The following RERE variants were observed in gnomAD, a reference collection of about 807,000 sequenced individuals.
RERE encodes the protein arginine-glutamic acid dipeptide repeats protein.
A neutral mutation model predicts 146.1 loss-of-function variants in RERE; 40 were observed. The observed-to-expected ratio is 0.27, with a 90% CI of 0.21 to 0.36. RERE has a LOEUF of 0.36. Among genes scored for constraint, RERE ranks in the 10% least tolerant of loss-of-function variants. RERE has a pLI of 1.00. For synonymous variants in RERE, 1,003 were observed against 866.0 expected, an observed-to-expected ratio of 1.16 and a Z score of -2.78; for missense variants, 1,933 against 2,138.7, an observed-to-expected ratio of 0.90 and a Z score of 1.90.
chr1:8,381,116 C>A (rs1343145526), intron 12 of RERE: 6 of 399,800 alleles, frequency 1.5e-5, no homozygotes, highest in Non-Finnish European at 2.5e-5. Context: ...TTTACTGACC[C>A]ATAGGAAGCG....
chr1:8,621,359 C>T (rs1245867335), intron 3 of RERE, among the ~76,000 whole-genome samples: 1 of 152,138 alleles, frequency 6.6e-6, no homozygotes, highest in African/African-American at 2.4e-5. Flanking sequence ...TGACCCAAGG[C>T]CCTTGGTTCA....
chr1:8,642,124 G>A (rs1647189006), intron 2 of RERE, among the ~76,000 whole-genome samples: 1 of 152,076 alleles, frequency 6.6e-6, no homozygotes, highest in African/African-American at 2.4e-5. Context: ...TTAGAAACTG[G>A]CCTTGTAACC....
intron 10 of RERE, among the ~76,000 whole-genome samples, chr1:8,469,141 T>C (rs1265871196): frequency 6.6e-6 from 1 of 152,080 alleles, no homozygotes; most frequent in Non-Finnish European, 1.5e-5. Flanking sequence ...TAGCTACATC[T>C]TTTAAAAAGA....
At chr1:8,419,378 T>A (rs1267375555) in intron 12 of RERE, among the ~76,000 whole-genome samples, 1 of 152,184 alleles carries the variant, frequency 6.6e-6, no homozygotes, top group Non-Finnish European at 1.5e-5. Context: ...CCAAAAGAGC[T>A]AGGAAAGCTG....
Position 8,375,891 on chromosome 1 carries a change from C to G in RERE, c.1285-9917G>C, listed in dbSNP as rs575611841. 5.9e-5 allele frequency among the ~76,000 whole-genome samples: 9 copies of G among 152,374 alleles called. No individual in the cohort carries two copies. In the South Asian group the frequency reaches 1.9e-3, roughly 32 times the overall value. On this transcript the variant is annotated intron_variant, in intron 12 of 22. Transcript: ENST00000400908. ...TACTATGAAATCTACAATAACTAAG[C>G]TAAGCCATATCTTTTTATATCTTAA...
chr1:8,560,080 A>G (rs1032138453), intron 4 of RERE, among the ~76,000 whole-genome samples: 2 of 152,248 alleles, frequency 1.3e-5, no homozygotes, highest in African/African-American at 2.4e-5. Flanking sequence ...AAGATTACTC[A>G]TTATAGAAAA....
At chr1:8,607,530 A>ATATATATT (rs1646732034) in intron 4 of RERE, among the ~76,000 whole-genome samples, 4 of 57,582 alleles carry the variant, frequency 6.9e-5, no homozygotes, top group East Asian at 1.9e-3. Flanking sequence ...TTTTATATAT[A>ATATATATT]TTTCTTTTTT....
chr1:8,770,964 T>C (rs761902322), intron 1 of RERE, among the ~76,000 whole-genome samples: 3 of 152,130 alleles, frequency 2.0e-5, no homozygotes, highest in Non-Finnish European at 2.9e-5. Flanking sequence ...AAATAAACTA[T>C]GTGTGCACCT....
chr1:8,377,031 G>C (rs1422788856), intron 12 of RERE, among the ~76,000 whole-genome samples: 1 of 152,218 alleles, frequency 6.6e-6, no homozygotes, highest in Non-Finnish European at 1.5e-5. Flanking sequence ...AGCACTGACA[G>C]TGGCCTAACT....
chr1:8,488,243 T>A (rs939504490), intron 10 of RERE, among the ~76,000 whole-genome samples: 3 of 152,124 alleles, frequency 2.0e-5, no homozygotes, highest in Non-Finnish European at 4.4e-5. Context: ...CTTTTTATTT[T>A]TTATTATTAT....
intron 1 of RERE, among the ~76,000 whole-genome samples, chr1:8,681,009 C>A (rs1638952594): frequency 6.6e-6 from 1 of 152,224 alleles, no homozygotes; most frequent in South Asian, 2.1e-4. Flanking sequence ...GCTCAACCAC[C>A]TGAGTGGAGA....
chr1:8,363,947 T>A (rs778046482), intron 15 of RERE, 109 bp downstream of exon 15: 1 of 1,012,750 alleles, frequency 9.9e-7, no homozygotes, highest in South Asian at 1.4e-5. Flanking sequence ...CTCCAGGACT[T>A]TGTCTGGTAA....
At chr1:8,703,464 G>C (rs1391908999) in intron 1 of RERE, among the ~76,000 whole-genome samples, 1 of 151,742 alleles carries the variant, frequency 6.6e-6, no homozygotes, top group African/African-American at 2.4e-5. Flanking sequence ...GGCAAAACCC[G>C]GGCTGGAGCC....
chr1:8,488,537 C>T (rs779844992), intron 10 of RERE, among the ~76,000 whole-genome samples: 3 of 152,116 alleles, frequency 2.0e-5, no homozygotes, highest in African/African-American at 4.8e-5. Flanking sequence ...TGAGCCACTG[C>T]GCCTGCAAGA....
chr1:8,680,206 T>A (rs1312733092), intron 1 of RERE, among the ~76,000 whole-genome samples: 11 of 152,162 alleles, frequency 7.2e-5, no homozygotes, highest in Non-Finnish European at 1.5e-5. Context: ...TCATTCTGAT[T>A]TTTTGGTTAT....
intron 1 of RERE, among the ~76,000 whole-genome samples, chr1:8,778,820 A>C (rs1056416683): frequency 1.1e-4 from 17 of 152,102 alleles, no homozygotes; most frequent in Admixed American, 3.3e-4. Flanking sequence ...TCCCAAAAAA[A>C]AAAAAGAAAA....
At chr1:8,801,758 T>C (rs919493810) in intron 1 of RERE, among the ~76,000 whole-genome samples, 29 of 152,140 alleles carry the variant, frequency 1.9e-4, no homozygotes, top group African/African-American at 6.3e-4. Flanking sequence ...AAAGTAAACA[T>C]AACCCACTGA....
At chr1:8,809,981 GTTGTTT>G (rs1204030211) in intron 1 of RERE, among the ~76,000 whole-genome samples, 2 of 151,308 alleles carry the variant, frequency 1.3e-5, no homozygotes, top group Non-Finnish European at 3.0e-5. Flanking sequence ...AGCACAGTTT[GTTGTTT>G]TTGTTTTTGT....
At chr1:8,436,659 G>A (rs184129727) in intron 11 of RERE, among the ~76,000 whole-genome samples, 3 of 152,240 alleles carry the variant, frequency 2.0e-5, no homozygotes. Flanking sequence ...AGCCAAAAAT[G>A]TAAGTTTTAC....
Sources: gnomAD v4.1 joint callset for allele counts (sites outside exome capture counted in the v4.1 genomes callset) on GRCh38, gnomAD v4.1.1 for gene constraint, MANE v1.5 for transcripts, NCBI Gene and HGNC (gene_info 2026-07-23, HGNC 2026-07-21) for gene names.